Variants in DNAJB14 observed in about 807,000 individuals in gnomAD.
DNAJB14 encodes the protein DnaJ heat shock protein family (Hsp40) member B14.
DNAJB14 carries 22 observed loss-of-function variants against 48.4 expected under a neutral mutation model. The ratio of observed to expected loss-of-function variants is 0.45; its 90% confidence interval spans 0.32 to 0.65. The LOEUF is 0.65. Among genes scored for constraint, DNAJB14 ranks in the 30% least tolerant of loss-of-function variants. The pLI is 0.03. For synonymous variants in DNAJB14, 142 were observed against 158.7 expected (o/e 0.89, Z 0.79); for missense variants, 319 against 458.8 (o/e 0.70, Z 2.78).
At chr4:99,944,429 C>A (rs1346169964) in intron 1 of DNAJB14, among the ~76,000 whole-genome samples, 1 of 152,128 alleles carries the variant, frequency 6.6e-6, no homozygotes, top group African/African-American at 2.4e-5. Flanking sequence ...CTTTGCATAT[C>A]CTTGTTCATA....
rs1268243086 is a variant in DNAJB14 at position 99,899,657 on chromosome 4, A to C, written c.*1371T>G. The C allele has an allele frequency of 6.6e-6, 1 of 152,402 alleles. No homozygotes were observed. The highest frequency in any genetic ancestry group is 1.5e-5 in the Non-Finnish European group (1 of 67,840). 9.4% of individuals were successfully genotyped at this position (152,402 alleles called of 1,614,324 possible). ...CCCTATCTAGCATTCTCTCACTCAC[A>C]AAGAAGTATCAAAGATATGTTTATG... On this transcript the variant is annotated 3_prime_UTR_variant, in exon 8 of 8. Transcript: ENST00000442697.
At chr4:99,939,805 C>T (rs984467718) in intron 1 of DNAJB14, among the ~76,000 whole-genome samples, 2 of 152,212 alleles carry the variant, frequency 1.3e-5, no homozygotes, top group Non-Finnish European at 2.9e-5. Context: ...AAGAAGATGA[C>T]TCAGTTCAAC....
chr4:99,937,777 T>C (rs1474400202), intron 1 of DNAJB14, among the ~76,000 whole-genome samples: 1 of 150,486 alleles, frequency 6.6e-6, no homozygotes, highest in Non-Finnish European at 1.5e-5. Flanking sequence ...TACGATGAAA[T>C]ATCAGTCAAA....
Position 99,930,546 on chromosome 4 carries a change from C to T in DNAJB14, c.209G>A (p.Gly70Asp), listed in dbSNP as rs1307593428. The change falls in exon 2 of 8, where the codon GGC becomes GAC. Residue 70 changes from glycine to aspartate, a missense_variant. Transcript: ENST00000442697. ...TGTGCAATTAGGCTTGCTTTGATCG[C>T]CACTACCTGATGGTTTTCGGCAATG... The part of the protein sequence containing the change: ...SPHCRKPSGS[G>D]DQSKPNCTKD... 1 of 1,613,114 alleles carries T rather than the reference C, an allele frequency of 6.2e-7. No individual in the cohort carries two copies. Among genetic ancestry groups the T allele is most frequent in the African/African-American group, 1.3e-5 (1 of 75,020 alleles).
rs558037030 is a variant in DNAJB14, at chr4:99,913,265, T to C, written c.452-4369A>G. 2.3e-4 allele frequency among the ~76,000 whole-genome samples: 35 copies of C among 152,306 alleles called. No individual in the cohort carries two copies. In the South Asian group the frequency reaches 5.0e-3, roughly 22 times the overall value. ...GATATTCTTGCTTTATTCTTGATCA[T>C]AGGGGAAAAGCATTCAGTCTTTCAC... On this transcript the variant is annotated intron_variant, in intron 3 of 7. Coordinates refer to ENST00000442697, the MANE Select transcript of DNAJB14 (RefSeq NM_001031723.4).
At chr4:99,925,671 TA>T (rs1424623976) in intron 2 of DNAJB14, 2 of 152,096 alleles carry the variant, frequency 1.3e-5, no homozygotes, top group East Asian at 3.9e-4. Flanking sequence ...CAGTGGTGAA[TA>T]AAACAGTCAA....
intron 3 of DNAJB14, among the ~76,000 whole-genome samples, chr4:99,921,921 T>C (rs764656226): frequency 6.6e-6 from 1 of 152,220 alleles, no homozygotes; most frequent in Non-Finnish European, 1.5e-5. Context: ...TAAAGGTGTG[T>C]ATTTGGAGGA....
At position 99,902,551 on chromosome 4, in the gene DNAJB14, C is replaced by G. The variant is rs763126997; in HGVS notation, c.1015+1175G>C. Among the ~76,000 whole-genome samples the G allele has an allele frequency of 9.0e-4, 137 of 152,194 alleles. No homozygotes were observed. The Middle Eastern group carries it at 0.014, about 15-fold the overall frequency. ...AACTGCCACTAAATAGAGGAGAAAACCAAGACCAGAGAGGTTAAGGACTCT... is the reference window on the plus strand; with the variant it reads ...AACTGCCACTAAATAGAGGAGAAAAGCAAGACCAGAGAGGTTAAGGACTCT... On this transcript the variant is annotated intron_variant, in intron 7 of 7. Transcript: ENST00000442697.
intron 1 of DNAJB14, among the ~76,000 whole-genome samples, chr4:99,933,641 C>T (rs1013104949): frequency 3.3e-5 from 5 of 152,084 alleles, no homozygotes; most frequent in African/African-American, 1.2e-4. Flanking sequence ...TCGCAATGAA[C>T]GGAAACCAGC....
chr4:99,898,796 C>A lies in DNAJB14; in HGVS notation c.*2232G>T, dbSNP rs1309223145. The stretch of plus-strand genomic sequence containing the variant: ...GTTGGGATTTTTATTATAAAAAAAG[C>A]AGCAAACATGAAAATCTTTTATCAA... On this transcript the variant is annotated 3_prime_UTR_variant, in exon 8 of 8. Transcript: ENST00000442697. The A allele has an allele frequency of 6.6e-6, 1 of 151,786 alleles. No homozygotes were observed. The allele number at this position is 151,786 out of a possible 1,614,324, so 9.4% of individuals were successfully genotyped here. A position where few individuals can be genotyped will look rare whatever the true frequency, so the allele number is the denominator to read the frequency against.
At position 99,946,504 on chromosome 4, in the gene DNAJB14, T is replaced by C; in HGVS notation, c.68A>G (p.Asn23Ser). The change falls in exon 1 of 8, where the codon AAC becomes AGC. Residue 23 changes from asparagine to serine, a missense_variant. Around this residue, in one of 3 missense-constraint regions of DNAJB14, gnomAD observed 116 missense variants for 134.6 expected, o/e 0.86. Transcript: ENST00000442697. The stretch of plus-strand genomic sequence containing the variant: ...CAGGAAGCGCTGGGCCTTCTCGCGG[T>C]TGCCGGCGTTCAGGGCCTCCCGGGC... ...EIAREALNAG[N>S]REKAQRFLQK... 6.2e-7 allele frequency: 1 copy of C among 1,613,716 alleles called. No individual in the cohort carries two copies. The highest frequency in any genetic ancestry group is 8.5e-7 in the Non-Finnish European group (1 of 1,179,762).
In DNAJB14 at chr4:99,937,255, C is replaced by T. The variant is rs566332861; in HGVS notation, c.134-6634G>A. On this transcript the variant is annotated intron_variant, in intron 1 of 7. Transcript: ENST00000442697. ...TGGTGTGAACCTGGGAGGTGGAGCTCGCAGTGAGCCGAGATCGCGCCATAC... is the reference window on the plus strand; with the variant it reads ...TGGTGTGAACCTGGGAGGTGGAGCTTGCAGTGAGCCGAGATCGCGCCATAC... 4.6e-5 allele frequency among the ~76,000 whole-genome samples: 7 copies of T among 151,194 alleles called. No individual in the cohort carries two copies. In the South Asian group the frequency reaches 6.3e-4, roughly 14 times the overall value.
At chr4:99,917,344 A>G (rs1301639571) in intron 3 of DNAJB14, among the ~76,000 whole-genome samples, 1 of 152,208 alleles carries the variant, frequency 6.6e-6, no homozygotes, top group Non-Finnish European at 1.5e-5. Flanking sequence ...CATAGTTTAT[A>G]ACCAAATCTA....
intron 1 of DNAJB14, among the ~76,000 whole-genome samples, chr4:99,939,495 C>T (rs1323323880): frequency 6.6e-6 from 1 of 152,194 alleles, no homozygotes; most frequent in Admixed American, 6.5e-5. Flanking sequence ...TCCCATGGTT[C>T]CTCTGGACAT....
intron 1 of DNAJB14, among the ~76,000 whole-genome samples, chr4:99,945,887 C>T (rs1578245050): frequency 6.6e-6 from 1 of 152,304 alleles, no homozygotes; most frequent in East Asian, 1.9e-4. Context: ...ACCATTCTTG[C>T]CGAAAGTGTG....
At chr4:99,909,988 T>C (rs146734628) in intron 3 of DNAJB14, among the ~76,000 whole-genome samples, 31 of 152,150 alleles carry the variant, frequency 2.0e-4, no homozygotes, top group Non-Finnish European at 2.7e-4. Context: ...GTAAGCCTCT[T>C]GCAATACAGA....
intron 1 of DNAJB14, among the ~76,000 whole-genome samples, chr4:99,945,308 G>C (rs1243841772): frequency 6.6e-6 from 1 of 152,182 alleles, no homozygotes; most frequent in South Asian, 2.1e-4. Context: ...AGGATAGAGA[G>C]AAAAGCAAAG....
chr4:99,915,078 A>G (rs1163818842), intron 3 of DNAJB14, among the ~76,000 whole-genome samples: 4 of 152,240 alleles, frequency 2.6e-5, no homozygotes, highest in African/African-American at 9.6e-5. Flanking sequence ...TTTGTAAGGT[A>G]GAAGCATAGA....
chr4:99,912,283 T>C (rs948111327), intron 3 of DNAJB14, among the ~76,000 whole-genome samples: 2 of 152,260 alleles, frequency 1.3e-5, no homozygotes, highest in African/African-American at 4.8e-5. Flanking sequence ...TGTTTATCTA[T>C]ACAGTAAATC....
Sources: gnomAD v4.1 joint callset for allele counts (sites outside exome capture counted in the v4.1 genomes callset) on GRCh38, gnomAD v4.1.1 for gene constraint, gnomAD v4.1.1 regional missense constraint, MANE v1.5 for transcripts, NCBI Gene and HGNC (gene_info 2026-07-23, HGNC 2026-07-21) for gene names.